The following HOOK3 variants were observed in gnomAD, a reference collection of about 807,000 sequenced individuals.
HOOK3 encodes protein Hook homolog 3.
In HOOK3, 24 loss-of-function variants were observed where a neutral mutation model predicts 116.3. That is an observed-to-expected ratio of 0.21 (90% CI 0.15 to 0.29). The LOEUF (loss-of-function observed/expected upper bound fraction) is 0.29. Among genes scored for constraint, HOOK3 ranks in the 10% least tolerant of loss-of-function variants. The pLI is 1.00. For synonymous variants in HOOK3, 275 were observed against 283.0 expected (o/e 0.97, Z 0.28); for missense variants, 632 against 830.2 (o/e 0.76, Z 2.93).
chr8:42,932,576 C>T (rs760469392), intron 4 of HOOK3, among the ~76,000 whole-genome samples: 28 of 151,988 alleles, frequency 1.8e-4, no homozygotes, highest in Non-Finnish European at 3.2e-4. Flanking sequence ...TTCTCCCCCT[C>T]ACCCAGCCCC....
chr8:42,976,383 G>A (rs1808829761), intron 13 of HOOK3, among the ~76,000 whole-genome samples: 1 of 152,088 alleles, frequency 6.6e-6, no homozygotes, highest in Non-Finnish European at 1.5e-5. Flanking sequence ...GGTGGTGTGT[G>A]CCTGTGGGCC....
chr8:42,902,205 C>A (rs1485006403), intron 1 of HOOK3, among the ~76,000 whole-genome samples: 1 of 151,972 alleles, frequency 6.6e-6, no homozygotes, highest in East Asian at 1.9e-4. Context: ...AAAAATAGAT[C>A]CCCAGCTTCC....
At chr8:42,897,658 G>C (rs994095854) in intron 1 of HOOK3, among the ~76,000 whole-genome samples, 48 of 152,250 alleles carry the variant, frequency 3.2e-4, no homozygotes, top group African/African-American at 1.0e-3. Context: ...CGGTGGGAGT[G>C]CGCGAGGGGC....
chr8:42,927,197 T>G (rs527282886), intron 3 of HOOK3, among the ~76,000 whole-genome samples: 1 of 152,242 alleles, frequency 6.6e-6, no homozygotes, highest in South Asian at 2.1e-4. Flanking sequence ...CAAAATCTAA[T>G]TCCTTCTTTT....
chr8:42,999,215 C>T (rs142879188), intron 16 of HOOK3, among the ~76,000 whole-genome samples: 17 of 152,290 alleles, frequency 1.1e-4, no homozygotes, highest in Non-Finnish European at 1.8e-4. Flanking sequence ...GATTAGGTAT[C>T]GCTATGGTAA....
At chr8:43,007,164 C>T (rs1809508906) in intron 17 of HOOK3, among the ~76,000 whole-genome samples, 1 of 151,690 alleles carries the variant, frequency 6.6e-6, no homozygotes, top group Admixed American at 6.6e-5. Context: ...ATTACAAGCA[C>T]CCACCACCAC....
At chr8:42,902,550 G>T (rs1289853345) in intron 1 of HOOK3, among the ~76,000 whole-genome samples, 1 of 152,082 alleles carries the variant, frequency 6.6e-6, no homozygotes, top group African/African-American at 2.4e-5. Flanking sequence ...GAGGTAACAG[G>T]TATAAGCCAC....
In HOOK3 at chr8:43,013,287, TTA is replaced by T. The variant is rs745751609; in HGVS notation, c.1945-38_1945-37del. ...AGTATTTTATTTATATTGAGTTATT[TTA>T]TATCTTTACATATTTACATGTGCTT... On this transcript the variant is annotated intron_variant, in intron 20 of 21. Transcript: ENST00000307602. 286 of 1,488,392 alleles carry T rather than the reference TTA, an allele frequency of 1.9e-4. 1 individual carries two copies. Among genetic ancestry groups the T allele is most frequent in the Non-Finnish European group, 2.0e-4 (217 of 1,099,352 alleles). 92.2% of individuals were successfully genotyped at this position (1,488,392 alleles called of 1,614,324 possible).
intron 2 of HOOK3, among the ~76,000 whole-genome samples, chr8:42,907,830 A>C (rs746274743): frequency 5.3e-5 from 8 of 150,972 alleles, no homozygotes; most frequent in Non-Finnish European, 8.9e-5. Context: ...AAAAAAAAAA[A>C]AAAAAAAAAC....
At chr8:42,987,726 A>G (rs1809074727) in intron 15 of HOOK3, among the ~76,000 whole-genome samples, 1 of 152,180 alleles carries the variant, frequency 6.6e-6, no homozygotes. Flanking sequence ...CTTTAAAATC[A>G]GTGATTTACT....
intron 2 of HOOK3, among the ~76,000 whole-genome samples, chr8:42,910,349 T>A (rs533469965): frequency 1.3e-5 from 2 of 151,686 alleles, no homozygotes; most frequent in South Asian, 4.1e-4. Context: ...CTTCCTAGAA[T>A]GCCTTCCTTT....
Position 42,982,261 on chromosome 8 carries a change from AAAAAAAAAAG to A in HOOK3, c.1322-356_1322-347del, listed in dbSNP as rs1323353890. Among the ~76,000 whole-genome samples the A allele has an allele frequency of 1.1e-3, 151 of 143,632 alleles. 1 individual carries two copies. The highest frequency in any genetic ancestry group is 3.6e-3 in the African/African-American group (137 of 37,876). The allele number at this position is 143,632 out of a possible 152,430, so 94.2% of individuals were successfully genotyped here. ...CAGAGTGAGACTCTGTCTTAAAAAA[AAAAAAAAAAG>A]AAAAAAAAAAAGAAAAAAGGTAGAA... On this transcript the variant is annotated intron_variant, in intron 13 of 21. Transcript: ENST00000307602.
rs961775344 is a variant in HOOK3, at chr8:42,913,695, A to G, written c.143+7437A>G. On this transcript the variant is annotated intron_variant, in intron 2 of 21. Transcript: ENST00000307602. The stretch of plus-strand genomic sequence containing the variant: ...TCTATGCTTAATATTCAAGAAACTG[A>G]CAAACTGTTTCCAAAGCCAATGTGA... Among the ~76,000 whole-genome samples, 7 of 152,302 alleles carry G rather than the reference A, an allele frequency of 4.6e-5. No individual in the cohort carries two copies. In the South Asian group the frequency reaches 1.2e-3, roughly 27 times the overall value.
At chr8:42,918,815 A>G (rs988587813) in intron 2 of HOOK3, among the ~76,000 whole-genome samples, 18 of 152,224 alleles carry the variant, frequency 1.2e-4, no homozygotes, top group Non-Finnish European at 1.5e-5. Context: ...GGAGTCTCCT[A>G]TGTCTACTTC....
In HOOK3 at chr8:43,027,546, T is replaced by C. The variant is rs1037268755; in HGVS notation, c.*9048T>C. The C allele has an allele frequency of 9.1e-5, 26 of 285,924 alleles. No homozygotes were observed. The highest frequency in any genetic ancestry group is 5.5e-4 in the African/African-American group (25 of 45,526). 17.7% of individuals were successfully genotyped at this position (285,924 alleles called of 1,614,324 possible). The stretch of plus-strand genomic sequence containing the variant: ...AGAGCAACGCTGGAATAGAGAAGTC[T>C]AGACCCTGGCCTTTGAGGGAAAGGA... On this transcript the variant is annotated 3_prime_UTR_variant, in exon 22 of 22. Transcript: ENST00000307602.
At position 42,947,378 on chromosome 8, in the gene HOOK3, T is replaced by G. The variant is rs549144913; in HGVS notation, c.401-3010T>G. ...TTAATATGTAGGGGGTCTTTGGAAG[T>G]GCACAACTGTTGAGAGTCAGCTAAT... On this transcript the variant is annotated intron_variant, in intron 5 of 21. Transcript: ENST00000307602. 2.0e-5 allele frequency among the ~76,000 whole-genome samples: 3 copies of G among 152,330 alleles called. No homozygotes were observed. The South Asian group carries it at 6.2e-4, about 32-fold the overall frequency.
At chr8:42,998,636 G>A (rs1478008512) in intron 16 of HOOK3, among the ~76,000 whole-genome samples, 1 of 151,468 alleles carries the variant, frequency 6.6e-6, no homozygotes, top group Non-Finnish European at 1.5e-5. Flanking sequence ...CTCATCCATG[G>A]CCTAGCTTAA....
At chr8:42,919,559 G>A (rs1478550418) in intron 2 of HOOK3, among the ~76,000 whole-genome samples, 1 of 152,224 alleles carries the variant, frequency 6.6e-6, no homozygotes, top group East Asian at 1.9e-4. Flanking sequence ...GGCAGAGGCT[G>A]CAATCTCGGC....
At chr8:42,912,090 C>A (rs997802062) in intron 2 of HOOK3, among the ~76,000 whole-genome samples, 1 of 152,098 alleles carries the variant, frequency 6.6e-6, no homozygotes, top group Non-Finnish European at 1.5e-5. Context: ...GGTAGAGGAG[C>A]AACTGGCAGA....
Sources: allele counts gnomAD v4.1 joint callset (sites outside exome capture counted in the v4.1 genomes callset), GRCh38; gene constraint gnomAD v4.1.1; transcripts MANE v1.5; gene names NCBI Gene and HGNC (gene_info 2026-07-23, HGNC 2026-07-21).